STXBP5L: variants seen among roughly 807,000 people sequenced by gnomAD.
The protein encoded by STXBP5L is syntaxin-binding protein 5-like.
A neutral mutation model predicts 144.5 loss-of-function variants in STXBP5L; 65 were observed. That is an observed-to-expected ratio of 0.45 (90% CI 0.37 to 0.55). The LOEUF (loss-of-function observed/expected upper bound fraction) is 0.55, where lower values mean the gene tolerates loss of function less well. Ranked by LOEUF, STXBP5L falls within the 20% of genes least tolerant of loss-of-function variation. The pLI is 0.00. For missense variants in STXBP5L, 1,298 were observed against 1,405.5 expected, an observed-to-expected ratio of 0.92 and a Z score of 1.22; for synonymous variants, 505 against 469.6, an observed-to-expected ratio of 1.08 and a Z score of -0.97.
intron 18 of STXBP5L, among the ~76,000 whole-genome samples, chr3:121,268,670 T>A (rs570134930): frequency 2.0e-5 from 3 of 152,142 alleles, no homozygotes; most frequent in African/African-American, 7.2e-5. Context: ...CATTTATATA[T>A]AATAAAAAGG....
intron 20 of STXBP5L, among the ~76,000 whole-genome samples, chr3:121,321,004 T>C (rs1426865891): frequency 6.6e-6 from 1 of 152,200 alleles, no homozygotes; most frequent in African/African-American, 2.4e-5. Context: ...CGGCCCACAC[T>C]TTATTTTTAA....
intron 9 of STXBP5L, among the ~76,000 whole-genome samples, chr3:121,169,337 C>T (rs2046619182): frequency 6.6e-6 from 1 of 152,128 alleles, no homozygotes; most frequent in Non-Finnish European, 1.5e-5. Context: ...TCACACATAA[C>T]AATATTAACC....
At chr3:121,031,295 G>A (rs1050498928) in intron 3 of STXBP5L, among the ~76,000 whole-genome samples, 1 of 152,084 alleles carries the variant, frequency 6.6e-6, no homozygotes, top group African/African-American at 2.4e-5. Context: ...GGATGTTTAT[G>A]TACATGTATG....
chr3:120,978,113 TCTC>T (rs1941300528), intron 3 of STXBP5L, among the ~76,000 whole-genome samples: 3 of 152,200 alleles, frequency 2.0e-5, no homozygotes, highest in Admixed American at 6.5e-5. Flanking sequence ...TTGGGGAAAT[TCTC>T]CTGGATAATA....
intron 11 of STXBP5L, among the ~76,000 whole-genome samples, chr3:121,228,278 CTG>C (rs2049186221): frequency 6.6e-6 from 1 of 152,108 alleles, no homozygotes; most frequent in African/African-American, 2.4e-5. Flanking sequence ...AACACAGAAT[CTG>C]TGTTTCCTAG....
intron 9 of STXBP5L, among the ~76,000 whole-genome samples, chr3:121,196,573 C>T (rs1045419134): frequency 6.6e-6 from 1 of 151,954 alleles, no homozygotes; most frequent in Non-Finnish European, 1.5e-5. Context: ...ATCTTTATTT[C>T]CTTTTTTCTG....
intron 3 of STXBP5L, among the ~76,000 whole-genome samples, chr3:120,961,783 A>G (rs1304754370): frequency 6.6e-6 from 1 of 152,198 alleles, no homozygotes; most frequent in Non-Finnish European, 1.5e-5. Flanking sequence ...CTTTGGGTCT[A>G]TACCCAGTAA....
At chr3:120,935,445 T>G (rs1206372150) in intron 2 of STXBP5L, among the ~76,000 whole-genome samples, 2 of 152,030 alleles carry the variant, frequency 1.3e-5, no homozygotes, top group African/African-American at 2.4e-5. Flanking sequence ...TTACCCTTAT[T>G]TATTATTTCC....
chr3:121,102,588 A>G (rs552976086), intron 5 of STXBP5L, among the ~76,000 whole-genome samples: 1 of 152,278 alleles, frequency 6.6e-6, no homozygotes, highest in Non-Finnish European at 1.5e-5. Flanking sequence ...TCAGACCTCA[A>G]ACTATAAGAA....
rs545884805 is a variant in STXBP5L, at chr3:121,019,149, G to T, written c.288-22551G>T. ...CCTGTGGGATGCAGCAGAGGCAGCC[G>T]TAATCCCCCCGGAATGTATCTCCAT... is the stretch of plus-strand genomic sequence containing the variant. On this transcript the variant is annotated intron_variant, in intron 3 of 26. Coordinates refer to ENST00000471454, the MANE Select transcript of STXBP5L (RefSeq NM_001308330.2). Among the ~76,000 whole-genome samples, 47 of 152,188 alleles carry T rather than the reference G, an allele frequency of 3.1e-4. No individual in the cohort carries two copies. In the South Asian group the frequency reaches 9.5e-3, roughly 31 times the overall value.
chr3:121,051,213 C>T (rs1947961250), intron 5 of STXBP5L, among the ~76,000 whole-genome samples: 1 of 152,150 alleles, frequency 6.6e-6, no homozygotes, highest in Non-Finnish European at 1.5e-5. Context: ...AGGAATTGTA[C>T]TCAGCTCTGC....
intron 7 of STXBP5L, among the ~76,000 whole-genome samples, chr3:121,145,294 G>T (rs1199618727): frequency 1.3e-5 from 2 of 151,704 alleles, no homozygotes; most frequent in East Asian, 3.9e-4. Context: ...GGGATGCAAG[G>T]ATAGATACTA....
intron 10 of STXBP5L, among the ~76,000 whole-genome samples, chr3:121,221,335 A>C (rs542344385): frequency 5.5e-4 from 84 of 152,034 alleles, no homozygotes; most frequent in Middle Eastern, 3.4e-3. Context: ...ATGTATATAC[A>C]AAAAAGCAGG....
At chr3:121,100,709 T>A (rs1193338412) in intron 5 of STXBP5L, among the ~76,000 whole-genome samples, 1 of 150,712 alleles carries the variant, frequency 6.6e-6, no homozygotes, top group Admixed American at 6.6e-5. Context: ...AACAAACTAA[T>A]CCTAAAGCTA....
chr3:121,407,124 ATAC>A lies in STXBP5L; in HGVS notation c.2588-118_2588-116del, dbSNP rs1005604247. The A allele has an allele frequency of 8.2e-6, 10 of 1,225,350 alleles. No individual in the cohort carries two copies. The Admixed American group carries it at 2.6e-4, about 32-fold the overall frequency. 75.9% of individuals were successfully genotyped at this position (1,225,350 alleles called of 1,614,324 possible). ...TGAGCTCACAAATCTACAAATTCAT[ATAC>A]ATTAGGGCAATATTATGACTCTATA... On this transcript the variant is annotated intron_variant, in intron 22 of 26. Coordinates refer to ENST00000471454, the MANE Select transcript of STXBP5L (RefSeq NM_001308330.2).
At chr3:120,984,475 CCTA>C (rs1364195762) in intron 3 of STXBP5L, among the ~76,000 whole-genome samples, 2 of 151,698 alleles carry the variant, frequency 1.3e-5, no homozygotes, top group Non-Finnish European at 2.9e-5. Flanking sequence ...GACTTTGTGT[CCTA>C]CTATTTTGCT....
intron 19 of STXBP5L, among the ~76,000 whole-genome samples, chr3:121,303,940 A>T (rs113001478): frequency 6.6e-6 from 1 of 151,948 alleles, no homozygotes; most frequent in Non-Finnish European, 1.5e-5. Context: ...ATGATGAGTT[A>T]ATGGGTGCAG....
Position 121,343,993 on chromosome 3 carries a change from T to A in STXBP5L, c.2176+25453T>A, listed in dbSNP as rs1209954306. On this transcript the variant is annotated intron_variant, in intron 20 of 26. Transcript: ENST00000471454. The stretch of plus-strand genomic sequence containing the variant: ...TGGAGGCATCAAGCTACCGGACTTC[T>A]AACTATACTACAAAGCTACAGTAAC... Among the ~76,000 whole-genome samples the A allele has an allele frequency of 2.2e-4, 33 of 152,074 alleles. No homozygotes were observed. The East Asian group carries it at 2.7e-3, about 12-fold the overall frequency.
rs578255769 is a variant in STXBP5L at position 121,422,444 on chromosome 3, C to T, written c.*3347C>T. On this transcript the variant is annotated 3_prime_UTR_variant, in exon 27 of 27. Transcript: ENST00000471454. ...TAGAAAATGGGCCTTTTCATTTATT[C>T]ATCTGTGAGAAGCTAGAGGTATTTG... is the stretch of plus-strand genomic sequence containing the variant. The T allele has an allele frequency of 6.6e-6, 1 of 152,200 alleles. No homozygotes were observed. The highest frequency in any genetic ancestry group is 1.9e-4 in the East Asian group (1 of 5,184). 9.4% of individuals were successfully genotyped at this position (152,200 alleles called of 1,614,324 possible).
Sources: gnomAD v4.1 joint callset for allele counts (sites outside exome capture counted in the v4.1 genomes callset) on GRCh38, gnomAD v4.1.1 for gene constraint, MANE v1.5 for transcripts, NCBI Gene and HGNC (gene_info 2026-07-23, HGNC 2026-07-21) for gene names.